The following ANK2 variants were observed in gnomAD, a reference collection of about 807,000 sequenced individuals.
The protein encoded by ANK2 is ankyrin-2.
ANK2 carries 83 observed loss-of-function variants against 360.5 expected under a neutral mutation model. That is an observed-to-expected ratio of 0.23 (90% CI 0.19 to 0.28). The LOEUF is 0.28. Among genes scored for constraint, ANK2 ranks in the 10% least tolerant of loss-of-function variants. ANK2 has a pLI of 1.00. For missense variants in ANK2, 4,201 were observed against 4,795.7 expected (o/e 0.88, Z 3.66); for synonymous variants, 1,740 against 1,759.5 (o/e 0.99, Z 0.28).
chr4:113,346,502 A>C (rs1324198374), intron 35 of ANK2, among the ~76,000 whole-genome samples: 2 of 152,078 alleles, frequency 1.3e-5, no homozygotes, highest in African/African-American at 2.4e-5. Flanking sequence ...CTGCCCCGTG[A>C]TATTTTATTT....
At chr4:113,143,026 G>A (rs574077180) in intron 1 of ANK2, among the ~76,000 whole-genome samples, 1 of 150,734 alleles carries the variant, frequency 6.6e-6, no homozygotes, top group East Asian at 1.9e-4. Flanking sequence ...AAGACGTTTA[G>A]GTCAGTGTAG....
At chr4:112,937,664 A>G (rs1305705480) in intron 2 of ANK2, among the ~76,000 whole-genome samples, 2 of 152,090 alleles carry the variant, frequency 1.3e-5, no homozygotes, top group Non-Finnish European at 2.9e-5. Flanking sequence ...TTTCGGTCTG[A>G]TTAGTTTGGT....
chr4:113,293,447 A>T lies in ANK2; in HGVS notation c.2384A>T (p.Asn795Ile). 6.2e-7 allele frequency: 1 copy of T among 1,613,264 alleles called. No individual in the cohort carries two copies. The highest frequency in any genetic ancestry group is 2.2e-5 in the East Asian group (1 of 44,862). ...CTTTCACTCTCTCTTCAGAATGGCAACACTGCCTTGGCGATTGCTAAGCGT... is the reference window on the plus strand; with the variant it reads ...CTTTCACTCTCTCTTCAGAATGGCATCACTGCCTTGGCGATTGCTAAGCGT... ...AKPNATTANG[N>I]TALAIAKRLG... is the part of the protein sequence containing the mutation. Residue 795 changes from asparagine (N) to isoleucine (I), a missense_variant, in exon 22 of 46, where the codon AAC becomes ATC. Around this residue, in one of 4 missense-constraint regions of ANK2, gnomAD observed 1,268 missense variants for 1,650.8 expected, o/e 0.77. Transcript: ENST00000357077.
intron 13 of ANK2, 29 bp downstream of exon 13, chr4:113,258,440 C>G: frequency 6.3e-7 from 1 of 1,586,476 alleles, no homozygotes; most frequent in Non-Finnish European, 8.7e-7. Context: ...AGAATAACCC[C>G]AGGGAGGAAG....
At chr4:113,075,999 A>G (rs923944218) in intron 1 of ANK2, among the ~76,000 whole-genome samples, 4 of 152,204 alleles carry the variant, frequency 2.6e-5, no homozygotes, top group Admixed American at 6.5e-5. Flanking sequence ...ATTTGGGGGT[A>G]AGGTCCAGGA....
At chr4:112,955,169 A>G (rs2095268482) in intron 2 of ANK2, among the ~76,000 whole-genome samples, 1 of 152,178 alleles carries the variant, frequency 6.6e-6, no homozygotes, top group African/African-American at 2.4e-5. Flanking sequence ...GGAAGAAAAT[A>G]TTCAATATGC....
intron 3 of ANK2, among the ~76,000 whole-genome samples, chr4:113,198,235 T>A (rs2098778096): frequency 6.6e-6 from 1 of 152,174 alleles, no homozygotes; most frequent in Non-Finnish European, 1.5e-5. Flanking sequence ...AGAAAAAAAC[T>A]GAAGCCCCCA....
intron 1 of ANK2, among the ~76,000 whole-genome samples, chr4:113,055,683 C>T (rs978296521): frequency 1.3e-5 from 2 of 152,182 alleles, no homozygotes; most frequent in Non-Finnish European, 2.9e-5. Flanking sequence ...GAATAACTCT[C>T]ATTGCATATT....
chr4:113,355,869 T>G lies in ANK2; in HGVS notation c.7251T>G (p.Asp2417Glu). ...QGLELALPSR[D>E]SEVLSAVADD... ...TAGAACTTGCACTCCCTAGCCGAGA[T>G]AGCGAAGTCCTCAGCGCTGTGGCTG... The change falls in exon 38 of 46, where the codon GAT (aspartate) becomes GAG (glutamate). Residue 2417 changes from aspartate (D) to glutamate (E), a missense_variant. By Grantham distance (45) the Asp-to-Glu change is conservative. Coordinates refer to ENST00000357077, the MANE Select transcript of ANK2 (RefSeq NM_001148.6). 9.9e-6 allele frequency: 16 copies of G among 1,614,026 alleles called. No homozygotes were observed. Among genetic ancestry groups the G allele is most frequent in the Non-Finnish European group, 1.4e-5 (16 of 1,179,950 alleles).
intron 1 of ANK2, among the ~76,000 whole-genome samples, chr4:113,095,651 A>T (rs2090700675): frequency 6.6e-6 from 1 of 152,226 alleles, no homozygotes; most frequent in Admixed American, 6.5e-5. Flanking sequence ...AGGTTACAAT[A>T]AGTGAAACAG....
At chr4:112,840,523 A>T (rs1366640340) in intron 1 of ANK2, among the ~76,000 whole-genome samples, 1 of 152,160 alleles carries the variant, frequency 6.6e-6, no homozygotes. Context: ...GGATGCGGGG[A>T]TAAGGGCCAC....
In ANK2 at chr4:113,355,029, T is replaced by C. The variant is rs770129361; in HGVS notation, c.6411T>C (p.Ser2137=). The C allele has an allele frequency of 1.2e-6, 2 of 1,614,022 alleles. No individual in the cohort carries two copies. Among genetic ancestry groups the C allele is most frequent in the East Asian group, 4.5e-5 (2 of 44,836 alleles). ...SPDRKTSTDF[S]EVIKQELEDN... ...ATAGGAAAACCTCCACTGACTTCTC[T>C]GAGGTCATTAAGCAAGAGTTGGAAG... The change falls in exon 38 of 46, where the codon TCT becomes TCC. Residue 2137 remains serine (S), a synonymous_variant. Transcript: ENST00000357077.
At chr4:112,862,439 AGT>A (rs372013661) in intron 1 of ANK2, among the ~76,000 whole-genome samples, 1 of 152,264 alleles carries the variant, frequency 6.6e-6, no homozygotes, top group African/African-American at 2.4e-5. Context: ...TTATTTCTAG[AGT>A]GTTCCTGAAC....
chr4:112,883,705 G>C (rs1467842564), intron 1 of ANK2, among the ~76,000 whole-genome samples: 1 of 151,960 alleles, frequency 6.6e-6, no homozygotes, highest in Non-Finnish European at 1.5e-5. Context: ...GGAGATGTGG[G>C]TTTTGCAAGG....
chr4:113,002,924 C>G (rs115085591), intron 2 of ANK2, among the ~76,000 whole-genome samples: 166 of 152,290 alleles, frequency 1.1e-3, no homozygotes, highest in African/African-American at 3.7e-3. Context: ...AGACTCTTGC[C>G]CATCTGATAT....
rs2079862618 is a variant in ANK2, at chr4:113,311,389, C to T, written c.2683C>T (p.Arg895Ter). 1.2e-6 allele frequency: 2 copies of T among 1,613,986 alleles called. No individual in the cohort carries two copies. Among genetic ancestry groups the T allele is most frequent in the Non-Finnish European group, 1.7e-6 (2 of 1,179,992 alleles). ...CCTGCGATACAGCTTGGAGGGAGGA[C>T]GATCTGACAGGTATCTCATAAAACT... ...NYLRYSLEGGRSDSLRSFSSD... is the reference protein window; with the variant it reads ...NYLRYSLEGG Residue 895 changes from arginine to a stop codon, truncating the protein, a stop_gained, in exon 24 of 46, where the codon CGA becomes TGA. Transcript: ENST00000357077. LOFTEE classifies it high-confidence loss of function.
At chr4:113,363,171 A>G (rs905449917) in intron 39 of ANK2, among the ~76,000 whole-genome samples, 167 bp from the exon 40 acceptor site, 1 of 152,220 alleles carries the variant, frequency 6.6e-6, no homozygotes, top group Non-Finnish European at 1.5e-5. Context: ...CATAATTAGT[A>G]CTAGAAGAAC....
At chr4:113,296,966 ATTATC>A (rs754649263) in intron 22 of ANK2, among the ~76,000 whole-genome samples, 28 of 152,042 alleles carry the variant, frequency 1.8e-4, no homozygotes, top group African/African-American at 3.9e-4. Context: ...AAATAAAAAT[ATTATC>A]TTATATTATT....
At chr4:113,016,972 G>A (rs1186672345) in intron 2 of ANK2, among the ~76,000 whole-genome samples, 2 of 152,144 alleles carry the variant, frequency 1.3e-5, no homozygotes, top group Non-Finnish European at 2.9e-5. Context: ...AGCAGGTGAA[G>A]GTGAATTACC....
Sources: gnomAD v4.1 joint callset for allele counts (sites outside exome capture counted in the v4.1 genomes callset) on GRCh38, gnomAD v4.1.1 for gene constraint, gnomAD v4.1.1 regional missense constraint, MANE v1.5 for transcripts, NCBI Gene and HGNC (gene_info 2026-07-23, HGNC 2026-07-21) for gene names.